The following MAGI2 variants were observed in gnomAD, a reference collection of about 807,000 sequenced individuals.
The protein encoded by MAGI2 is membrane-associated guanylate kinase, WW and PDZ domain-containing protein 2.
In MAGI2, 35 loss-of-function variants were observed where a neutral mutation model predicts 133.3. That is an observed-to-expected ratio of 0.26 (90% CI 0.20 to 0.35). MAGI2 has a LOEUF of 0.35. Among genes scored for constraint, MAGI2 ranks in the 10% least tolerant of loss-of-function variants. The pLI, the probability that MAGI2 is intolerant of heterozygous loss-of-function variation, is 1.00. For missense variants in MAGI2, 1,636 were observed against 1,863.4 expected (o/e 0.88, Z 2.25); for synonymous variants, 729 against 710.6 (o/e 1.03, Z -0.41).
intron 2 of MAGI2, among the ~76,000 whole-genome samples, chr7:78,987,225 A>T (rs189798234): frequency 6.6e-6 from 1 of 152,154 alleles, no homozygotes; most frequent in Non-Finnish European, 1.5e-5. Flanking sequence ...AGGCAATGGA[A>T]AGTGAGACTC....
At chr7:79,299,655 T>C (rs1837232952) in intron 1 of MAGI2, among the ~76,000 whole-genome samples, 1 of 151,478 alleles carries the variant, frequency 6.6e-6, no homozygotes, top group Admixed American at 6.6e-5. Flanking sequence ...CAAAATAGGT[T>C]CAAAAAGATT....
chr7:78,311,666 A>G (rs925055037), intron 9 of MAGI2, among the ~76,000 whole-genome samples: 1 of 152,228 alleles, frequency 6.6e-6, no homozygotes, highest in Admixed American at 6.5e-5. Context: ...CTCTAGATCA[A>G]TAGAGATAAA....
intron 5 of MAGI2, among the ~76,000 whole-genome samples, chr7:78,497,750 A>ATCTATCTATCTGTCTGTCTGTCTG (rs1554442384): frequency 4.8e-4 from 54 of 113,508 alleles, no homozygotes; most frequent in Admixed American, 6.0e-4. Context: ...CTATCTATCT[A>ATCTATCTATCTGTCTGTCTGTCTG]TCTATCTATC....
intron 12 of MAGI2, among the ~76,000 whole-genome samples, chr7:78,191,227 CTT>C (rs35266347): frequency 2.1e-5 from 3 of 144,370 alleles, no homozygotes. Context: ...GGAAATAATT[CTT>C]TTTTTTTTTG....
intron 2 of MAGI2, among the ~76,000 whole-genome samples, chr7:78,793,951 A>T (rs1048993457): frequency 4.6e-5 from 7 of 152,338 alleles, no homozygotes; most frequent in East Asian, 3.9e-4. Context: ...AATATGCTGT[A>T]TCTTCTGTGC....
intron 3 of MAGI2, among the ~76,000 whole-genome samples, chr7:78,559,335 T>C (rs1800181591): frequency 6.6e-6 from 1 of 151,142 alleles, no homozygotes; most frequent in South Asian, 2.1e-4. Flanking sequence ...GAGTTTGCTA[T>C]CTATTTTGAA....
At chr7:78,061,409 TACACACACACACACACACACACAC>T (rs59531463) in intron 21 of MAGI2, among the ~76,000 whole-genome samples, 8 of 139,708 alleles carry the variant, frequency 5.7e-5, no homozygotes, top group South Asian at 4.7e-4. Flanking sequence ...GGACTGGTTG[TACACACACACACACACACACACAC>T]ACACACACAC....
intron 3 of MAGI2, among the ~76,000 whole-genome samples, chr7:78,527,029 A>AAAAAAAAAAAAAAAAAAAG (rs1563125198): frequency 1.6e-5 from 2 of 124,912 alleles, no homozygotes; most frequent in African/African-American, 2.9e-5. Context: ...AAAAAAAAAA[A>AAAAAAAAAAAAAAAAAAAG]AAAAAGAAAA....
At chr7:78,694,359 G>A (rs943793328) in intron 2 of MAGI2, among the ~76,000 whole-genome samples, 1 of 152,130 alleles carries the variant, frequency 6.6e-6, no homozygotes, top group Non-Finnish European at 1.5e-5. Context: ...TTTTAAACCA[G>A]GTGGAATCCT....
In MAGI2 at chr7:78,230,078, A is replaced by G. The variant is rs368019977; in HGVS notation, c.2047+25865T>C. Among the ~76,000 whole-genome samples the G allele has an allele frequency of 2.0e-5, 3 of 152,246 alleles. No homozygotes were observed. In the East Asian group the frequency reaches 5.8e-4, roughly 29 times the overall value. On this transcript the variant is annotated intron_variant, in intron 10 of 21. Transcript: ENST00000354212. The stretch of plus-strand genomic sequence containing the variant: ...TTGTCCTTATTAATTTCTCAAGTTA[A>G]AGAATGCCTTCAAGTATCGCTCAGG...
chr7:78,995,451 T>C (rs1806198896), intron 2 of MAGI2, among the ~76,000 whole-genome samples: 1 of 152,170 alleles, frequency 6.6e-6, no homozygotes, highest in South Asian at 2.1e-4. Context: ...GAAAAGATAA[T>C]TTGGAACCTG....
At chr7:79,079,922 C>T (rs535230204) in intron 1 of MAGI2, among the ~76,000 whole-genome samples, 73 of 152,134 alleles carry the variant, frequency 4.8e-4, no homozygotes, top group Non-Finnish European at 6.5e-4. Flanking sequence ...TTAGTCTTCT[C>T]CTTTAAAAAT....
At chr7:79,092,893 T>C (rs766169022) in intron 1 of MAGI2, among the ~76,000 whole-genome samples, 1 of 152,144 alleles carries the variant, frequency 6.6e-6, no homozygotes, top group African/African-American at 2.4e-5. Context: ...TCTCTTTTTG[T>C]AGTTTTCTGT....
chr7:78,071,762 T>TG (rs1176563159), intron 21 of MAGI2, among the ~76,000 whole-genome samples: 1 of 152,142 alleles, frequency 6.6e-6, no homozygotes, highest in Non-Finnish European at 1.5e-5. Flanking sequence ...TATTGCGCGG[T>TG]GGAAGGTGTT....
intron 2 of MAGI2, among the ~76,000 whole-genome samples, chr7:78,912,899 C>CTAA (rs1445766604): frequency 6.6e-6 from 1 of 150,842 alleles, no homozygotes; most frequent in African/African-American, 2.4e-5. Flanking sequence ...TGAACCCTGA[C>CTAA]TAATACAGTT....
chr7:78,751,611 G>A (rs577487310), intron 2 of MAGI2, among the ~76,000 whole-genome samples: 34 of 152,330 alleles, frequency 2.2e-4, no homozygotes, highest in African/African-American at 7.7e-4. Context: ...CAGACTGCAT[G>A]ATACCAAGTA....
intron 9 of MAGI2, among the ~76,000 whole-genome samples, chr7:78,272,073 G>A (rs529871198): frequency 1.3e-5 from 2 of 152,168 alleles, no homozygotes; most frequent in Admixed American, 6.5e-5. Context: ...TTTCTCTTGC[G>A]GGCATTTAGT....
chr7:78,085,194 C>CT (rs1816483477), intron 20 of MAGI2, among the ~76,000 whole-genome samples: 1 of 152,130 alleles, frequency 6.6e-6, no homozygotes, highest in Admixed American at 6.5e-5. Flanking sequence ...TGAAAACTGT[C>CT]TGAGACTCTC....
chr7:78,156,927 C>A (rs1474935611), intron 16 of MAGI2, among the ~76,000 whole-genome samples: 2 of 152,022 alleles, frequency 1.3e-5, no homozygotes, highest in African/African-American at 2.4e-5. Flanking sequence ...TAAAACAATG[C>A]AAACTCTGGG....
Sources: gnomAD v4.1 joint callset for allele counts (sites outside exome capture counted in the v4.1 genomes callset) on GRCh38, gnomAD v4.1.1 for gene constraint, MANE v1.5 for transcripts, NCBI Gene and HGNC (gene_info 2026-07-23, HGNC 2026-07-21) for gene names.